Variants in OGT observed in about 807,000 individuals in gnomAD.
The protein encoded by OGT is UDP-N-acetylglucosamine--peptide N-acetylglucosaminyltransferase 110 kDa subunit.
In OGT, 3 loss-of-function variants were observed where a neutral mutation model predicts 75.8. The observed-to-expected ratio is 0.04, with a 90% CI of 0.02 to 0.10. OGT has a LOEUF of 0.10. OGT is among the 10% of genes least tolerant of loss of function. OGT has a pLI of 1.00. For missense variants in OGT, 260 were observed against 824.4 expected (o/e 0.32, Z 8.38); for synonymous variants, 257 against 289.7 (o/e 0.89, Z 1.15).
intron 21 of OGT, among the ~76,000 whole-genome samples, chrX:71,569,500 AT>A (rs1045608291): frequency 1.8e-5 from 2 of 109,810 alleles, no homozygotes; most frequent in Admixed American, 9.8e-5. Context: ...TCATTCTTTT[AT>A]TTTTTTTGAG....
chrX:71,556,215 T>C, intron 8 of OGT, 121 bp downstream of exon 8: 2 of 811,172 alleles, frequency 2.5e-6, no homozygotes, highest in South Asian at 5.6e-5. Context: ...GGATTATTCA[T>C]TGAAGTAACA....
intron 14 of OGT, among the ~76,000 whole-genome samples, 178 bp downstream of exon 14, chrX:71,559,855 A>G (rs1169360023): frequency 8.9e-6 from 1 of 112,383 alleles, no homozygotes; most frequent in East Asian, 2.8e-4. Flanking sequence ...CCGAGGTTGC[A>G]AATGAAACTG....
Position 71,553,937 on chromosome X carries a change from G to C in OGT, c.649-576G>C, listed in dbSNP as rs768286055. On this transcript the variant is annotated intron_variant, in intron 5 of 21. Transcript: ENST00000373719. ...TTTAACTGGCCTGTGATAGAGCCTC[G>C]GTACCTTTTCTAGGAGGTAAATTCT... 4.5e-5 allele frequency among the ~76,000 whole-genome samples: 5 copies of C among 111,605 alleles called. No homozygotes were observed. In the East Asian group the frequency reaches 1.1e-3, roughly 25 times the overall value.
intron 1 of OGT, among the ~76,000 whole-genome samples, chrX:71,534,996 G>A (rs763929193): frequency 9.0e-6 from 1 of 111,596 alleles, no homozygotes; most frequent in Admixed American, 9.5e-5. Flanking sequence ...GGGGAGCTGG[G>A]CTCAAATTTG....
intron 13 of OGT, 81 bp downstream of exon 13, chrX:71,559,506 G>A: frequency 8.7e-7 from 1 of 1,143,205 alleles, no homozygotes; most frequent in Non-Finnish European, 1.2e-6. Flanking sequence ...CATGAGGCAT[G>A]GAAACCTAGT....
chrX:71,543,551 ATTC>A (rs1437102160), intron 3 of OGT, among the ~76,000 whole-genome samples: 1 of 110,395 alleles, frequency 9.1e-6, no homozygotes, highest in Non-Finnish European at 1.9e-5. Context: ...TGGTTGGATA[ATTC>A]TTCTGCCCGA....
intron 4 of OGT, 80 bp from the exon 5 acceptor site, chrX:71,547,827 T>G: frequency 1.6e-6 from 1 of 632,586 alleles, no homozygotes; most frequent in Non-Finnish European, 2.1e-6. Flanking sequence ...CCCCCCAATC[T>G]TTTTTTTTTC....
intron 12 of OGT, among the ~76,000 whole-genome samples, chrX:71,558,470 C>T (rs896333314): frequency 6.4e-5 from 7 of 109,057 alleles, no homozygotes; most frequent in Admixed American, 9.8e-5. Flanking sequence ...AAGTGATGCT[C>T]GTGCCTTAGC....
chrX:71,566,447 CAT>C (rs1410714966), intron 19 of OGT, among the ~76,000 whole-genome samples: 1 of 112,027 alleles, frequency 8.9e-6, no homozygotes, highest in Non-Finnish European at 1.9e-5. Context: ...AGGGAGCAAA[CAT>C]GTCCTTCTTC....
At chrX:71,568,844 ACAAAAACAAACAAACAAAAAAAAAAC>A (rs1413551220) in intron 21 of OGT, among the ~76,000 whole-genome samples, 1 of 108,774 alleles carries the variant, frequency 9.2e-6, no homozygotes, top group Non-Finnish European at 1.9e-5. Flanking sequence ...AAAAACAAAA[ACAAAAACAAACAAACAAAAAAAAAAC>A]CAAACAAACA....
In OGT at chrX:71,564,748, G is replaced by A; in HGVS notation, c.2584G>A (p.Ala862Thr). 1 of 1,182,246 alleles carries A rather than the reference G, an allele frequency of 8.5e-7. No individual in the cohort carries two copies. Among genetic ancestry groups the A allele is most frequent in the Non-Finnish European group, 1.1e-6 (1 of 875,020 alleles). The part of the protein sequence containing the change: ...KIDPSTLQMW[A>T]NILKRVPNSV... ...TGACCCTTCTACTTTGCAGATGTGG[G>A]CAAACGTGAGTATGCAAGTATGTTA... Residue 862 changes from alanine (A) to threonine (T), a missense_variant, in exon 19 of 22, where the codon GCA (alanine) becomes ACA (threonine). Physicochemically the swap from Ala to Thr is moderately conservative, Grantham distance 58. Transcript: ENST00000373719.
chrX:71,561,735 T>G, intron 14 of OGT, 40 bp from the exon 15 acceptor site: 1 of 1,093,527 alleles, frequency 9.1e-7, no homozygotes, highest in Non-Finnish European at 1.2e-6. Context: ...CTAATTGATC[T>G]GAGATTATAC....
At chrX:71,558,131 TG>T (rs1220040973) in intron 12 of OGT, among the ~76,000 whole-genome samples, 33 of 109,220 alleles carry the variant, frequency 3.0e-4, no homozygotes, top group Non-Finnish European at 7.6e-5. Flanking sequence ...TTGTGTTTTT[TG>T]TAGAGATGGG....
Position 71,556,937 on chromosome X carries a change from T to C in OGT, c.1167-15T>C, listed in dbSNP as rs761522876. ...TTTTGTATTGGAGAAATAAAACCTT[T>C]GGCTTCTCTTTTAGAATCAGTCCTA... On this transcript the variant is annotated splice_polypyrimidine_tract_variant and intron_variant, in intron 9 of 21. Coordinates refer to ENST00000373719, the MANE Select transcript of OGT (RefSeq NM_181672.3). 12 of 1,197,024 alleles carry C rather than the reference T, an allele frequency of 1.0e-5. No individual in the cohort carries two copies. In the East Asian group the frequency reaches 2.4e-4, roughly 24 times the overall value.
At chrX:71,561,291 T>G (rs1417446340) in intron 14 of OGT, among the ~76,000 whole-genome samples, 1 of 110,595 alleles carries the variant, frequency 9.0e-6, no homozygotes, top group Non-Finnish European at 1.9e-5. Context: ...TGTTCTCTAC[T>G]GAGATTGTAT....
At chrX:71,560,275 CAAAAAAAAAA>C (rs764918597) in intron 14 of OGT, among the ~76,000 whole-genome samples, 3 of 45,841 alleles carry the variant, frequency 6.5e-5, no homozygotes, top group Admixed American at 2.5e-4. Context: ...GACTCTGTCT[CAAAAAAAAAA>C]AAAAAAAAAG....
At chrX:71,541,063 C>A (rs757160791) in intron 3 of OGT, among the ~76,000 whole-genome samples, 1 of 111,924 alleles carries the variant, frequency 8.9e-6, no homozygotes, top group Non-Finnish European at 1.9e-5. Flanking sequence ...GTTGCCTATA[C>A]CTGGCAATTC....
At chrX:71,555,124 G>A (rs1404581028) in intron 6 of OGT, 66 bp from the exon 7 acceptor site, 14 of 847,282 alleles carry the variant, frequency 1.7e-5, no homozygotes, top group Non-Finnish European at 2.3e-5. Flanking sequence ...CATTAAGCAT[G>A]AGTTACATTT....
At chrX:71,549,184 C>G (rs2040283352) in intron 5 of OGT, among the ~76,000 whole-genome samples, 1 of 103,960 alleles carries the variant, frequency 9.6e-6, no homozygotes, top group Non-Finnish European at 1.9e-5. Context: ...TAGTCCCAGC[C>G]ATTTGTAGGG....
Sources: gnomAD v4.1 joint callset for allele counts (sites outside exome capture counted in the v4.1 genomes callset) on GRCh38, gnomAD v4.1.1 for gene constraint, MANE v1.5 for transcripts, NCBI Gene and HGNC (gene_info 2026-07-23, HGNC 2026-07-21) for gene names.